The following MAST4 variants were observed in gnomAD, a reference collection of about 807,000 sequenced individuals.
The protein encoded by MAST4 is microtubule-associated serine/threonine-protein kinase 4.
In MAST4, 89 loss-of-function variants were observed where a neutral mutation model predicts 162.7. The observed-to-expected ratio is 0.55, with a 90% CI of 0.46 to 0.65. The LOEUF (loss-of-function observed/expected upper bound fraction) is 0.65. MAST4 is among the 30% of genes least tolerant of loss of function. The probability of loss-of-function intolerance (pLI) is 0.00; values close to 1 mark genes in which losing one functional copy is unlikely to be tolerated. For synonymous variants in MAST4, 1,479 were observed against 1,361.1 expected, an observed-to-expected ratio of 1.09 and a Z score of -1.91; for missense variants, 3,153 against 3,374.0, an observed-to-expected ratio of 0.93 and a Z score of 1.62.
intron 5 of MAST4, among the ~76,000 whole-genome samples, chr5:67,071,383 A>C (rs1015163926): frequency 6.6e-6 from 1 of 152,010 alleles, no homozygotes; most frequent in Admixed American, 6.5e-5. Flanking sequence ...GGAGGGAGGT[A>C]GATAGATAAA....
chr5:67,165,434 G>A lies in MAST4; in HGVS notation c.6255G>A (p.Ala2085=), dbSNP rs373958854. 14 of 1,613,776 alleles carry A rather than the reference G, an allele frequency of 8.7e-6. No individual in the cohort carries two copies. Among genetic ancestry groups the A allele is most frequent in the African/African-American group, 5.3e-5 (4 of 74,928 alleles). ...VRRGVEPKPE[A]LLARRSLQPP... is the part of the protein sequence containing the mutation. ...GTGGCGTGGAACCCAAGCCCGAAGC[G>A]CTTCTTGCCAGGCGGTCTCTGCAGC... Residue 2085 remains alanine (A), a synonymous_variant, in exon 29 of 29, where the codon GCG becomes GCA. Transcript: ENST00000403625.
chr5:66,814,391 C>T (rs1038657189), intron 3 of MAST4, among the ~76,000 whole-genome samples: 1 of 152,036 alleles, frequency 6.6e-6, no homozygotes, highest in Non-Finnish European at 1.5e-5. Flanking sequence ...CTTTGGCTAC[C>T]TCCCTTGCGC....
chr5:66,997,899 A>G (rs989162967), intron 4 of MAST4, among the ~76,000 whole-genome samples: 8 of 152,254 alleles, frequency 5.3e-5, no homozygotes, highest in Non-Finnish European at 1.0e-4. Context: ...CCTCCCTGAC[A>G]TATCTTCCGA....
At chr5:66,787,637 G>A (rs1297859570) in intron 2 of MAST4, among the ~76,000 whole-genome samples, 1 of 152,170 alleles carries the variant, frequency 6.6e-6, no homozygotes, top group African/African-American at 2.4e-5. Context: ...TGTGCTGCAG[G>A]GCCACCAGCT....
At chr5:66,943,746 G>T (rs1027308763) in intron 4 of MAST4, among the ~76,000 whole-genome samples, 1 of 151,810 alleles carries the variant, frequency 6.6e-6, no homozygotes, top group East Asian at 1.9e-4. Context: ...TGTGTTCAGC[G>T]AAAAAAAGTG....
intron 7 of MAST4, among the ~76,000 whole-genome samples, chr5:67,096,944 T>C (rs1269944339): frequency 6.6e-6 from 1 of 152,180 alleles, no homozygotes; most frequent in Non-Finnish European, 1.5e-5. Flanking sequence ...AATAAAATTG[T>C]CAGTAAATAA....
intron 4 of MAST4, among the ~76,000 whole-genome samples, chr5:66,935,737 A>T (rs1437462719): frequency 6.7e-6 from 1 of 149,880 alleles, no homozygotes; most frequent in East Asian, 2.0e-4. Flanking sequence ...GCACAATCTC[A>T]GTTCACTGCC....
At chr5:67,147,589 A>G (rs1223240793) in intron 23 of MAST4, among the ~76,000 whole-genome samples, 1 of 152,226 alleles carries the variant, frequency 6.6e-6, no homozygotes. Flanking sequence ...TAGGGGTCAA[A>G]CGTATCCAAC....
intron 3 of MAST4, among the ~76,000 whole-genome samples, chr5:66,827,339 C>T (rs1221761104): frequency 1.3e-5 from 2 of 152,184 alleles, no homozygotes; most frequent in African/African-American, 4.8e-5. Flanking sequence ...ATCAAATCAA[C>T]ATGCCTAAGT....
intron 1 of MAST4, among the ~76,000 whole-genome samples, chr5:66,730,377 C>G (rs761494314): frequency 6.6e-6 from 1 of 152,038 alleles, no homozygotes; most frequent in African/African-American, 2.4e-5. Flanking sequence ...TTTATACATT[C>G]CCCCCAACCC....
At chr5:66,769,122 G>A (rs561862365) in intron 2 of MAST4, among the ~76,000 whole-genome samples, 14 of 152,242 alleles carry the variant, frequency 9.2e-5, no homozygotes, top group South Asian at 2.1e-4. Context: ...AAGTGAAGCC[G>A]GTCTACGTGT....
intron 6 of MAST4, among the ~76,000 whole-genome samples, chr5:67,092,839 C>G (rs1017180002): frequency 7.2e-4 from 88 of 122,294 alleles, no homozygotes; most frequent in African/African-American, 1.9e-4. Flanking sequence ...ATCATTGGCT[C>G]TGGTTGTCAT....
At position 67,032,037 on chromosome 5, in the gene MAST4, C is replaced by T. The variant is rs568328896; in HGVS notation, c.675-22367C>T. ...GCTTATTTGTCAAAAGCAATCTGCC[C>T]CCCTTCCAAAAACTCTTGCTCCATG... On this transcript the variant is annotated intron_variant, in intron 4 of 28. Coordinates refer to ENST00000403625, the MANE Select transcript of MAST4 (RefSeq NM_001164664.2). 9.2e-5 allele frequency among the ~76,000 whole-genome samples: 14 copies of T among 152,224 alleles called. 1 individual carries two copies. The South Asian group carries it at 2.9e-3, about 32-fold the overall frequency.
chr5:66,837,894 A>ATATATATATATATATATATAT (rs1554057455), intron 3 of MAST4, among the ~76,000 whole-genome samples: 1 of 53,712 alleles, frequency 1.9e-5, no homozygotes, highest in Non-Finnish European at 3.0e-5. Flanking sequence ...ATATATATAT[A>ATATATATATATATATATATAT]TTTTTTTTTT....
chr5:66,909,784 C>T (rs1467164813), intron 4 of MAST4, among the ~76,000 whole-genome samples: 2 of 152,148 alleles, frequency 1.3e-5, no homozygotes, highest in Admixed American at 6.6e-5. Context: ...AAAGGTAGGG[C>T]CAGGTGGAGA....
At chr5:66,779,393 C>CTT (rs57118930) in intron 2 of MAST4, among the ~76,000 whole-genome samples, 131 of 116,672 alleles carry the variant, frequency 1.1e-3, no homozygotes, top group African/African-American at 3.6e-3. Flanking sequence ...ACACATAGCA[C>CTT]TTTTTTTTTT....
At chr5:67,024,032 ACT>A (rs1754311444) in intron 4 of MAST4, among the ~76,000 whole-genome samples, 1 of 151,480 alleles carries the variant, frequency 6.6e-6, no homozygotes, top group Admixed American at 6.6e-5. Context: ...TGCAAAACAA[ACT>A]CTACTCATTA....
intron 1 of MAST4, among the ~76,000 whole-genome samples, chr5:66,717,909 G>GAGGCC (rs1451667501): frequency 6.6e-6 from 1 of 152,194 alleles, no homozygotes; most frequent in Non-Finnish European, 1.5e-5. Context: ...GGGAAGGAAG[G>GAGGCC]AGGCCGTGGG....
chr5:66,796,913 A>G (rs1189233758), intron 3 of MAST4, among the ~76,000 whole-genome samples: 2 of 152,220 alleles, frequency 1.3e-5, no homozygotes, highest in South Asian at 4.1e-4. Context: ...TGTTTATGAA[A>G]GGAACACTGA....
Sources: allele counts gnomAD v4.1 joint callset (sites outside exome capture counted in the v4.1 genomes callset), GRCh38; gene constraint gnomAD v4.1.1; transcripts MANE v1.5; gene names NCBI Gene and HGNC (gene_info 2026-07-23, HGNC 2026-07-21).